The following KRI1 variants were observed in gnomAD, a reference collection of about 807,000 sequenced individuals.
KRI1 encodes protein KRI1 homolog.
In KRI1, 83 loss-of-function variants were observed where a neutral mutation model predicts 97.0. That is an observed-to-expected ratio of 0.86 (90% CI 0.72 to 1.03). The LOEUF (loss-of-function observed/expected upper bound fraction) is 1.03, where lower values mean the gene tolerates loss of function less well. Ranked by LOEUF, KRI1 falls within the 50% of genes least tolerant of loss-of-function variation. The pLI, the probability that KRI1 is intolerant of heterozygous loss-of-function variation, is 0.00. For synonymous variants in KRI1, 371 were observed against 363.5 expected (o/e 1.02, Z -0.23); for missense variants, 916 against 928.4 (o/e 0.99, Z 0.17).
In KRI1 at chr19:10,561,276, G is replaced by A. The variant is rs775094258; in HGVS notation, c.489-11C>T. ...ACAAATGCCCGGAAGCTGCCCACGA[G>A]AGAAAACAAGCCTCAGGACAGGCAG... is the stretch of plus-strand genomic sequence containing the variant. On this transcript the variant is annotated splice_polypyrimidine_tract_variant and intron_variant, in intron 6 of 18. Transcript: ENST00000312962. 3.7e-6 allele frequency: 6 copies of A among 1,613,108 alleles called. No homozygotes were observed. Among genetic ancestry groups the A allele is most frequent in the African/African-American group, 2.7e-5 (2 of 74,882 alleles).
chr19:10,554,017 T>C lies in KRI1; in HGVS notation c.2046A>G (p.Lys682=). The C allele has an allele frequency of 6.2e-7, 1 of 1,613,716 alleles. No homozygotes were observed. Among genetic ancestry groups the C allele is most frequent in the Non-Finnish European group, 8.5e-7 (1 of 1,179,804 alleles). The change falls in exon 19 of 19, where the codon AAA becomes AAG. Residue 682 remains lysine, a synonymous_variant. Coordinates refer to ENST00000312962, the MANE Select transcript of KRI1 (RefSeq NM_023008.5). ...GGCCCAGCTGGCGGAAGTGCAGCCG[T>C]TTGGGGTTGAGGCCAAAGGCCTGCA... ...QRLQAFGLNP[K]RLHFRQLGRQ...
In KRI1 at chr19:10,559,952, T is replaced by G. The variant is rs1187424791; in HGVS notation, c.801-16A>C. On this transcript the variant is annotated splice_polypyrimidine_tract_variant and intron_variant, in intron 9 of 18. Coordinates refer to ENST00000312962, the MANE Select transcript of KRI1 (RefSeq NM_023008.5). ...ACCGTGGACCCTGAGGGGCAAGATG[T>G]GGTGATGCCAGGGGGCCAGCCAAGT... 6 of 1,607,568 alleles carry G rather than the reference T, an allele frequency of 3.7e-6. No individual in the cohort carries two copies. In the Admixed American group the frequency reaches 1.0e-4, roughly 27 times the overall value.
In KRI1 at chr19:10,559,839, A is replaced by G. The variant is rs1418248429; in HGVS notation, c.898T>C (p.Phe300Leu). The change falls in exon 10 of 19, where the codon TTC becomes CTC. Residue 300 changes from phenylalanine to leucine, a missense_variant. Phe to Leu is a conservative substitution (Grantham distance 22, BLOSUM62 0). Transcript: ENST00000312962. ...KQEDFEQKYN[F>L]RFEEPDSASV... ...GCTGAGTCCGGCTCCTCGAAACGGA[A>G]ATTGTACTTCTGTTCAAAGTCCTCC... 1.2e-6 allele frequency: 2 copies of G among 1,613,876 alleles called. No individual in the cohort carries two copies. Among genetic ancestry groups the G allele is most frequent in the East Asian group, 4.5e-5 (2 of 44,868 alleles).
chr19:10,554,414 TG>T (rs561446998), intron 18 of KRI1, 133 bp from the exon 19 acceptor site: 1 of 745,692 alleles, frequency 1.3e-6, no homozygotes, highest in Non-Finnish European at 2.2e-6. Context: ...AGGGCCTGCC[TG>T]GGATTCAGAC....
chr19:10,560,570 CTTATTT>C (rs1439032090), intron 8 of KRI1, 122 bp from the exon 9 acceptor site: 4 of 709,368 alleles, frequency 5.6e-6, no homozygotes, highest in African/African-American at 3.6e-5. Flanking sequence ...ATTTTGGTTT[CTTATTT>C]TTATTTCGAG....
rs145288128 is a variant in KRI1 at position 10,559,374 on chromosome 19, G to A, written c.1179C>T (p.His393=). Residue 393 remains histidine, a synonymous_variant, in exon 12 of 19, where the codon CAC becomes CAT. Transcript: ENST00000312962. The stretch of plus-strand genomic sequence containing the variant: ...AGGGCCGCACCTGCATGAGCTGGTC[G>A]TGCTGGGCAGGGTCGAAGTCGTCTT... ...DLEDDFDPAQ[H]DQLMQKCFGD... 1.6e-4 allele frequency: 258 copies of A among 1,613,962 alleles called. 2 individuals are homozygous for A. The African/African-American group carries it at 1.8e-3, about 11-fold the overall frequency.
chr19:10,557,564 G>A lies in KRI1; in HGVS notation c.1605C>T (p.Leu535=), dbSNP rs144674130. ...CCGGGGCCCCTACCTCCTCAGTGCT[G>A]AGGCCAAAGTCACAGGGCACCACTG... is the stretch of plus-strand genomic sequence containing the variant. ...YRTVVPCDFG[L]STEEILAADD... The change falls in exon 16 of 19, where the codon CTC becomes CTT. Residue 535 remains leucine, a synonymous_variant. Coordinates refer to ENST00000312962, the MANE Select transcript of KRI1 (RefSeq NM_023008.5). 2.6e-4 allele frequency: 412 copies of A among 1,614,014 alleles called. 2 individuals are homozygous for A. In the East Asian group the frequency reaches 8.6e-3, roughly 34 times the overall value.
chr19:10,561,377 C>A, intron 6 of KRI1, 112 bp from the exon 7 acceptor site: 1 of 1,010,160 alleles, frequency 9.9e-7, no homozygotes, highest in Non-Finnish European at 1.5e-6. Context: ...CCAGGCTGAT[C>A]TTGAACTCCT....
intron 18 of KRI1, among the ~76,000 whole-genome samples, 197 bp downstream of exon 18, chr19:10,554,890 T>C (rs544849892): frequency 6.6e-6 from 1 of 152,166 alleles, no homozygotes. Flanking sequence ...CTCCATCTTA[T>C]GAGAAAGAGG....
At position 10,554,186 on chromosome 19, in the gene KRI1, G is replaced by C. The variant is rs200672165; in HGVS notation, c.1877C>G (p.Pro626Arg). 6.2e-7 allele frequency: 1 copy of C among 1,613,752 alleles called. No homozygotes were observed. Among genetic ancestry groups the C allele is most frequent in the Non-Finnish European group, 8.5e-7 (1 of 1,179,856 alleles). The part of the protein sequence containing the change: ...LPALDGSLMG[P>R]ESPPAQEEEA... ...CTCTTCCTGTGCTGGGGGACTCTCC[G>C]GCCCCATCAAGCTGCCATCAAGGGC... is the stretch of plus-strand genomic sequence containing the variant. The change falls in exon 19 of 19, where the codon CCG becomes CGG. Residue 626 changes from proline (P) to arginine (R), a missense_variant. Pro to Arg is a moderately radical substitution (Grantham distance 103). Coordinates refer to ENST00000312962, the MANE Select transcript of KRI1 (RefSeq NM_023008.5).
At chr19:10,561,917 G>A in intron 4 of KRI1, 72 bp from the exon 5 acceptor site, 3 of 1,404,102 alleles carry the variant, frequency 2.1e-6, no homozygotes, top group Non-Finnish European at 3.0e-6. Flanking sequence ...ATGCGGAGCA[G>A]CTATTCCAAG....
rs779126790 is a variant in KRI1, at chr19:10,559,343, G to A, written c.1194+16C>T. 17 of 1,608,350 alleles carry A rather than the reference G, an allele frequency of 1.1e-5. No individual in the cohort carries two copies. Among genetic ancestry groups the A allele is most frequent in the African/African-American group, 6.7e-5 (5 of 74,754 alleles). ...TGTGAACTCAGCGTCATGTTGGGCC[G>A]GGATGAGGGCCGCACCTGCATGAGC... On this transcript the variant is annotated intron_variant, in intron 12 of 18. Transcript: ENST00000312962.
intron 13 of KRI1, 30 bp from the exon 14 acceptor site, chr19:10,558,090 C>A (rs1916574247): frequency 1.2e-6 from 2 of 1,613,752 alleles, no homozygotes; most frequent in African/African-American, 2.7e-5. Context: ...ACAGGTGGGG[C>A]CAGGGTGGGA....
intron 9 of KRI1, among the ~76,000 whole-genome samples, 170 bp downstream of exon 9, chr19:10,560,142 C>T (rs1916648229): frequency 6.6e-6 from 1 of 152,256 alleles, no homozygotes; most frequent in Admixed American, 6.5e-5. Flanking sequence ...GGCAGTGCCA[C>T]CTGGCTCCAG....
chr19:10,559,575 G>C, intron 11 of KRI1, 38 bp downstream of exon 11: 1 of 1,613,464 alleles, frequency 6.2e-7, no homozygotes, highest in Non-Finnish European at 8.5e-7. Flanking sequence ...TTTCCTCCAG[G>C]GCTGGGGGGT....
intron 3 of KRI1, among the ~76,000 whole-genome samples, chr19:10,563,432 G>A (rs996839239): frequency 5.3e-5 from 8 of 151,372 alleles, no homozygotes; most frequent in Non-Finnish European, 1.0e-4. Context: ...TGCAACCTCC[G>A]CCTCCCAGGT....
Position 10,559,342 on chromosome 19 carries a change from C to T in KRI1, c.1194+17G>A, listed in dbSNP as rs757430212. On this transcript the variant is annotated intron_variant, in intron 12 of 18. Transcript: ENST00000312962. The stretch of plus-strand genomic sequence containing the variant: ...GTGTGAACTCAGCGTCATGTTGGGC[C>T]GGGATGAGGGCCGCACCTGCATGAG... The T allele has an allele frequency of 1.2e-5, 20 of 1,607,726 alleles. No homozygotes were observed. Among genetic ancestry groups the T allele is most frequent in the African/African-American group, 5.4e-5 (4 of 74,728 alleles).
chr19:10,559,958 T>G, intron 9 of KRI1, 22 bp from the exon 10 acceptor site: 1 of 1,606,312 alleles, frequency 6.2e-7, no homozygotes, highest in Non-Finnish European at 8.5e-7. Flanking sequence ...GATGTGGTGA[T>G]GCCAGGGGGC....
At chr19:10,561,124 C>G (rs756089701) in intron 7 of KRI1, 44 bp from the exon 8 acceptor site, 4 of 1,612,022 alleles carry the variant, frequency 2.5e-6, no homozygotes, top group South Asian at 2.2e-5. Context: ...GCCCAGCCAC[C>G]CGCCACCCTG....
Sources: allele counts gnomAD v4.1 joint callset (sites outside exome capture counted in the v4.1 genomes callset), GRCh38; gene constraint gnomAD v4.1.1; transcripts MANE v1.5; gene names NCBI Gene and HGNC (gene_info 2026-07-23, HGNC 2026-07-21).